VSX2: variants seen among roughly 807,000 people sequenced by gnomAD.
VSX2 encodes the protein visual system homeobox 2, also known as ceh-10 homeo domain containing homolog.
VSX2 carries 28 observed loss-of-function variants against 32.1 expected under a neutral mutation model. That is an observed-to-expected ratio of 0.87 (90% CI 0.65 to 1.20). The LOEUF (loss-of-function observed/expected upper bound fraction) is 1.20, where lower values mean the gene tolerates loss of function less well. Ranked by LOEUF, VSX2 falls within the 50% of genes most tolerant of loss-of-function variation. The probability of loss-of-function intolerance (pLI) is 0.00; values close to 1 mark genes in which losing one functional copy is unlikely to be tolerated. For synonymous variants in VSX2, 243 were observed against 214.1 expected, an observed-to-expected ratio of 1.14 and a Z score of -1.18; for missense variants, 506 against 488.7, an observed-to-expected ratio of 1.04 and a Z score of -0.33.
intron 4 of VSX2, 69 bp downstream of exon 4, chr14:74,259,851 C>A: frequency 6.6e-7 from 1 of 1,519,542 alleles, no homozygotes; most frequent in Non-Finnish European, 8.9e-7. Context: ...GAGGAGGGGA[C>A]AGAGCCTTGA....
Position 74,242,370 on chromosome 14 carries a change from C to T in VSX2, c.455+1104C>T, listed in dbSNP as rs533784933. Among the ~76,000 whole-genome samples the T allele has an allele frequency of 3.9e-5, 6 of 152,332 alleles. No individual in the cohort carries two copies. In the East Asian group the frequency reaches 1.2e-3, roughly 29 times the overall value. ...TTTGTTTTCAGCCTCTTTGCACCCT[C>T]TCTGCGCTTTTCTATGCTTCGTTCT... On this transcript the variant is annotated intron_variant, in intron 2 of 4. Coordinates refer to ENST00000261980, the MANE Select transcript of VSX2 (RefSeq NM_182894.3).
chr14:74,248,100 C>T (rs2079204121), intron 3 of VSX2, among the ~76,000 whole-genome samples: 1 of 152,018 alleles, frequency 6.6e-6, no homozygotes, highest in Non-Finnish European at 1.5e-5. Context: ...CTTGACTTCC[C>T]TCCCCATCAT....
chr14:74,248,193 G>A (rs2079204900), intron 3 of VSX2, among the ~76,000 whole-genome samples: 3 of 151,964 alleles, frequency 2.0e-5, no homozygotes, highest in Non-Finnish European at 4.4e-5. Context: ...CAGGTGAGAC[G>A]AGCAGGAAAG....
intron 2 of VSX2, 85 bp downstream of exon 2, chr14:74,241,351 T>C (rs992207881): frequency 1.5e-4 from 214 of 1,448,800 alleles, no homozygotes; most frequent in Non-Finnish European, 3.3e-5. Context: ...TCGGACCCTA[T>C]TTTCGCCGAC....
chr14:74,246,334 G>A (rs2079191615), intron 3 of VSX2, among the ~76,000 whole-genome samples: 1 of 152,078 alleles, frequency 6.6e-6, no homozygotes, highest in African/African-American at 2.4e-5. Flanking sequence ...TGTGTGCCTG[G>A]GAGGCCGGGG....
chr14:74,258,216 CG>C (rs1201208888), intron 3 of VSX2, among the ~76,000 whole-genome samples: 4 of 152,222 alleles, frequency 2.6e-5, no homozygotes, highest in Non-Finnish European at 5.9e-5. Context: ...CCGCGGCTCC[CG>C]GGAGAGCAGC....
At chr14:74,241,388 C>A in intron 2 of VSX2, 122 bp downstream of exon 2, 1 of 1,099,226 alleles carries the variant, frequency 9.1e-7, no homozygotes, top group Non-Finnish European at 1.3e-6. Flanking sequence ...GAGGCCGTGC[C>A]AGGGCGCAGA....
chr14:74,246,052 G>A (rs2079190097), intron 3 of VSX2, among the ~76,000 whole-genome samples: 1 of 152,260 alleles, frequency 6.6e-6, no homozygotes, highest in African/African-American at 2.4e-5. Flanking sequence ...CAGGAGTAGG[G>A]CTGTGGAATC....
intron 2 of VSX2, among the ~76,000 whole-genome samples, 176 bp from the exon 3 acceptor site, chr14:74,244,979 TGTGAGAGAGA>T (rs1223000120): frequency 1.0e-4 from 4 of 39,100 alleles, no homozygotes; most frequent in Non-Finnish European, 1.5e-4. Flanking sequence ...TGTGTGTGTG[TGTGAGAGAGA>T]GAGAGAGAGA....
chr14:74,261,038 C>T lies in VSX2; in HGVS notation c.*119C>T. The T allele has an allele frequency of 8.2e-7, 1 of 1,222,372 alleles. No homozygotes were observed. The highest frequency in any genetic ancestry group is 1.2e-6 in the Non-Finnish European group (1 of 868,596). The allele number at this position is 1,222,372 out of a possible 1,614,324, so 75.7% of individuals were successfully genotyped here. A position where few individuals can be genotyped will look rare whatever the true frequency, so the allele number is the denominator to read the frequency against. On this transcript the variant is annotated 3_prime_UTR_variant, in exon 5 of 5. Transcript: ENST00000261980. ...GGCCTCTGCCATCCTCCCTGTTCCC[C>T]ACAGGTCCTCCATCACCCCTGGTGG...
chr14:74,241,952 T>G (rs1368768964), intron 2 of VSX2, among the ~76,000 whole-genome samples: 1 of 151,934 alleles, frequency 6.6e-6, no homozygotes, highest in Middle Eastern at 3.2e-3. Context: ...TTTTGTTTTG[T>G]TTTGTTTTGT....
At chr14:74,259,921 T>G in intron 4 of VSX2, 139 bp downstream of exon 4, 25 of 963,596 alleles carry the variant, frequency 2.6e-5, no homozygotes, top group East Asian at 1.3e-4. Flanking sequence ...AGCAAACCTC[T>G]TGGTCTATCC....
intron 2 of VSX2, among the ~76,000 whole-genome samples, chr14:74,243,543 G>A (rs142190441): frequency 2.0e-5 from 3 of 151,534 alleles, no homozygotes; most frequent in Non-Finnish European, 4.4e-5. Flanking sequence ...CTGCCTTTGT[G>A]CCTCAGTTTC....
chr14:74,253,678 C>G (rs1276686466), intron 3 of VSX2, among the ~76,000 whole-genome samples: 1 of 152,046 alleles, frequency 6.6e-6, no homozygotes, highest in East Asian at 1.9e-4. Context: ...CGCCTGTAAT[C>G]CCAGCACTTT....
rs770121550 is a variant in VSX2 at position 74,239,855 on chromosome 14, C to T, written c.294C>T (p.Ser98=). The T allele has an allele frequency of 6.3e-7, 1 of 1,578,180 alleles. No individual in the cohort carries two copies. The highest frequency in any genetic ancestry group is 1.8e-5 in the Admixed American group (1 of 54,544). Residue 98 remains serine (S), a synonymous_variant, in exon 1 of 5, where the codon TCC becomes TCT. Coordinates refer to ENST00000261980, the MANE Select transcript of VSX2 (RefSeq NM_182894.3). The part of the protein sequence containing the change: ...YTQPTFLEVL[S]DPQSVHLQPL... Reference sequence around the variant, plus strand: ...AGCCCACCTTCCTGGAAGTGCTGTCCGACCCGCAGAGCGTCCACTTGCAGC... The same window carrying T: ...AGCCCACCTTCCTGGAAGTGCTGTCTGACCCGCAGAGCGTCCACTTGCAGC...
At chr14:74,245,566 G>T (rs561283259) in intron 3 of VSX2, among the ~76,000 whole-genome samples, 1 of 152,232 alleles carries the variant, frequency 6.6e-6, no homozygotes, top group East Asian at 1.9e-4. Context: ...GGGGATGAGA[G>T]GTGGAGTACT....
At chr14:74,246,350 A>G (rs552918204) in intron 3 of VSX2, among the ~76,000 whole-genome samples, 2 of 152,190 alleles carry the variant, frequency 1.3e-5, no homozygotes, top group East Asian at 3.9e-4. Flanking sequence ...CGGGGGAGCC[A>G]AGTAAGGTGT....
At chr14:74,240,078 G>C in intron 1 of VSX2, 147 bp downstream of exon 1, 1 of 1,081,544 alleles carries the variant, frequency 9.2e-7, no homozygotes, top group Non-Finnish European at 1.3e-6. Context: ...GGGCCGACGC[G>C]CCTGGTGATG....
chr14:74,249,236 GA>G (rs2079214499), intron 3 of VSX2, among the ~76,000 whole-genome samples: 1 of 152,148 alleles, frequency 6.6e-6, no homozygotes, highest in Non-Finnish European at 1.5e-5. Flanking sequence ...CATTGTCCCA[GA>G]TATTAAGTGC....
Sources: allele counts gnomAD v4.1 joint callset (sites outside exome capture counted in the v4.1 genomes callset), GRCh38; gene constraint gnomAD v4.1.1; transcripts MANE v1.5; gene names NCBI Gene and HGNC (gene_info 2026-07-23, HGNC 2026-07-21).